The following NEDD4 variants were observed in gnomAD, a reference collection of about 807,000 sequenced individuals.
NEDD4 encodes the protein E3 ubiquitin-protein ligase NEDD4.
A neutral mutation model predicts 144.9 loss-of-function variants in NEDD4; 99 were observed. The ratio of observed to expected loss-of-function variants is 0.68; its 90% CI spans 0.58 to 0.81. The LOEUF is 0.81. Among genes scored for constraint, NEDD4 ranks in the 30% least tolerant of loss-of-function variants. The pLI, the probability that NEDD4 is intolerant of heterozygous loss-of-function variation, is 0.00. For missense variants in NEDD4, 985 were observed against 1,065.9 expected (o/e 0.92, Z 1.06); for synonymous variants, 318 against 350.6 (o/e 0.91, Z 1.04).
chr15:55,905,357 C>T (rs2036056345), intron 5 of NEDD4: 5 of 445,568 alleles, frequency 1.1e-5, no homozygotes, highest in Non-Finnish European at 2.2e-5. Flanking sequence ...AAGACACTAA[C>T]AATTGGGGGG....
At chr15:55,846,886 AATT>A in intron 18 of NEDD4, 80 bp downstream of exon 18, 1 of 912,284 alleles carries the variant, frequency 1.1e-6, no homozygotes, top group Non-Finnish European at 1.7e-6. Context: ...ATATAGAACA[AATT>A]ATTACTGTAA....
intron 1 of NEDD4, among the ~76,000 whole-genome samples, chr15:55,981,764 C>G (rs1251030454): frequency 6.6e-6 from 1 of 152,162 alleles, no homozygotes; most frequent in Non-Finnish European, 1.5e-5. Flanking sequence ...CCTACTGAAT[C>G]ACACACTGTG....
At chr15:55,945,738 A>C (rs926139603) in intron 4 of NEDD4, among the ~76,000 whole-genome samples, 1 of 152,148 alleles carries the variant, frequency 6.6e-6, no homozygotes, top group Non-Finnish European at 1.5e-5. Flanking sequence ...ATGAAGGAAA[A>C]AATGTTAAGG....
intron 6 of NEDD4, among the ~76,000 whole-genome samples, 159 bp downstream of exon 6, chr15:55,873,799 G>A (rs1437961447): frequency 1.3e-5 from 2 of 151,942 alleles, no homozygotes; most frequent in Non-Finnish European, 2.9e-5. Context: ...AAATGGAAAC[G>A]GAAAATTGAA....
intron 12 of NEDD4, among the ~76,000 whole-genome samples, chr15:55,853,464 A>G (rs1308315163): frequency 1.3e-5 from 2 of 152,216 alleles, no homozygotes; most frequent in African/African-American, 4.8e-5. Context: ...ACTATACTTG[A>G]TCTTAGCCAA....
chr15:55,848,866 A>G lies in NEDD4; in HGVS notation c.1368T>C (p.Ile456=). ...ATGTCTTTCCTCTCAGATGGGCTGG[A>G]ATTTTCAATCTTGGATCTTCCTTTT... The part of the protein sequence containing the change: ...TTTWEDPRLK[I]PAHLRGKTSL... The change falls in exon 15 of 29, where the codon ATT becomes ATC. Residue 456 remains isoleucine (I), a synonymous_variant. Coordinates refer to ENST00000435532, the MANE Select transcript of NEDD4 (RefSeq NM_006154.4). 1 of 1,613,768 alleles carries G rather than the reference A, an allele frequency of 6.2e-7. No individual in the cohort carries two copies.
At chr15:55,907,439 T>G (rs565563004) in intron 5 of NEDD4, among the ~76,000 whole-genome samples, 1 of 152,246 alleles carries the variant, frequency 6.6e-6, no homozygotes. Context: ...AACATTATTA[T>G]ATATTATACT....
At chr15:55,914,571 T>C (rs532010210) in intron 5 of NEDD4, among the ~76,000 whole-genome samples, 1 of 151,922 alleles carries the variant, frequency 6.6e-6, no homozygotes, top group Admixed American at 6.6e-5. Context: ...GAATTCAATA[T>C]TGTTGAAAGA....
At chr15:55,853,259 GA>G (rs1359078233) in intron 12 of NEDD4, among the ~76,000 whole-genome samples, 3 of 151,428 alleles carry the variant, frequency 2.0e-5, no homozygotes, top group Admixed American at 1.3e-4. Context: ...CTTCACTTGG[GA>G]AAAAAAACAC....
intron 4 of NEDD4, among the ~76,000 whole-genome samples, chr15:55,943,435 G>A (rs569187460): frequency 6.6e-6 from 1 of 152,142 alleles, no homozygotes; most frequent in Non-Finnish European, 1.5e-5. Context: ...ACACAACCTT[G>A]GGACACTGCT....
intron 4 of NEDD4, among the ~76,000 whole-genome samples, chr15:55,932,064 T>C (rs2036792117): frequency 6.6e-6 from 1 of 152,198 alleles, no homozygotes; most frequent in Non-Finnish European, 1.5e-5. Flanking sequence ...CCAAATCTCA[T>C]CTTGAATTGT....
At chr15:55,902,419 A>G (rs1017579824) in intron 5 of NEDD4, among the ~76,000 whole-genome samples, 6 of 152,176 alleles carry the variant, frequency 3.9e-5, no homozygotes, top group Non-Finnish European at 5.9e-5. Context: ...GTGGCTTTAT[A>G]TATGTAAAAG....
chr15:55,918,216 T>C (rs1375534976), intron 5 of NEDD4, among the ~76,000 whole-genome samples: 1 of 152,166 alleles, frequency 6.6e-6, no homozygotes, highest in African/African-American at 2.4e-5. Flanking sequence ...TTTGTCCTTT[T>C]AGAGGTTGTG....
intron 11 of NEDD4, among the ~76,000 whole-genome samples, chr15:55,859,057 T>C (rs2034303159): frequency 6.6e-6 from 1 of 152,238 alleles, no homozygotes; most frequent in African/African-American, 2.4e-5. Flanking sequence ...TTGACTGATG[T>C]ATCCTCAGTA....
chr15:55,856,615 G>T (rs1473675213), intron 11 of NEDD4, among the ~76,000 whole-genome samples: 1 of 152,130 alleles, frequency 6.6e-6, no homozygotes, highest in Non-Finnish European at 1.5e-5. Context: ...CACGCTGCAG[G>T]CTCAGAGCAT....
Position 55,852,556 on chromosome 15 carries a change from A to G in NEDD4, c.1027-13T>C, listed in dbSNP as rs201848122. ...AAGTAGGCAAAAGCTAAAGTGAAGA[A>G]TAACAGAAGAATTAAATACATCAAG... On this transcript the variant is annotated splice_polypyrimidine_tract_variant and intron_variant, in intron 12 of 28. Transcript: ENST00000435532. 533 of 1,612,062 alleles carry G rather than the reference A, an allele frequency of 3.3e-4. 12 individuals are homozygous for G. The South Asian group carries it at 4.7e-3, about 14-fold the overall frequency.
chr15:55,836,708 A>C (rs1167936729), intron 24 of NEDD4, among the ~76,000 whole-genome samples: 1 of 152,096 alleles, frequency 6.6e-6, no homozygotes, highest in African/African-American at 2.4e-5. Flanking sequence ...TTGTATTTTT[A>C]GTAGAGACAG....
chr15:55,874,633 A>C (rs1187962906), intron 5 of NEDD4, among the ~76,000 whole-genome samples: 3 of 152,226 alleles, frequency 2.0e-5, no homozygotes, highest in Admixed American at 2.0e-4. Flanking sequence ...GCTGATGTTC[A>C]CCAAAAGGGA....
rs77591988 is a variant in NEDD4 at position 55,838,077 on chromosome 15, CAATAAAATACATACT to C, written c.2201+15_2201+29del. On this transcript the variant is annotated intron_variant, in intron 23 of 28. Coordinates refer to ENST00000435532, the MANE Select transcript of NEDD4 (RefSeq NM_006154.4). The stretch of plus-strand genomic sequence containing the variant: ...CTGGAATAAAGTACAAAATTATATC[CAATAAAATACATACT>C]AATAAAATACTTACTAAATATATTC... 0.018 allele frequency: 23,691 copies of C among 1,291,188 alleles called. 300 individuals are homozygous for C. The highest frequency in any genetic ancestry group is 0.021 in the Non-Finnish European group (19,488 of 917,916). The allele number at this position is 1,291,188 out of a possible 1,614,324, so 80.0% of individuals were successfully genotyped here. A position where few individuals can be genotyped will look rare whatever the true frequency, so the allele number is the denominator to read the frequency against.
Sources: gnomAD v4.1 joint callset for allele counts (sites outside exome capture counted in the v4.1 genomes callset) on GRCh38, gnomAD v4.1.1 for gene constraint, MANE v1.5 for transcripts, NCBI Gene and HGNC (gene_info 2026-07-23, HGNC 2026-07-21) for gene names.